Variants in NDRG2 observed in about 807,000 individuals in gnomAD.
The protein encoded by NDRG2 is protein NDRG2.
NDRG2 carries 34 observed loss-of-function variants against 58.2 expected under a neutral mutation model. The ratio of observed to expected loss-of-function variants is 0.58; its 90% CI spans 0.44 to 0.78. The LOEUF (loss-of-function observed/expected upper bound fraction) is 0.78, where lower values mean the gene tolerates loss of function less well. Among genes scored for constraint, NDRG2 ranks in the 30% least tolerant of loss-of-function variants. The probability of loss-of-function intolerance (pLI) is 0.00; values close to 1 mark genes in which losing one functional copy is unlikely to be tolerated. For missense variants in NDRG2, 434 were observed against 471.2 expected (o/e 0.92, Z 0.73); for synonymous variants, 187 against 175.9 (o/e 1.06, Z -0.50).
upstream of NDRG2, chr14:21,025,258 A>G: frequency 4.6e-6 from 4 of 868,464 alleles, no homozygotes; most frequent in Non-Finnish European, 5.5e-6. The surrounding 1 kb of genome is among the most constrained non-coding windows in gnomAD (Gnocchi z 5.1). Flanking sequence ...GGGCGGCTGG[A>G]CGCTTCCAGG....
At chr14:21,032,582 C>T (rs1594480619) in intron 1 of NDRG2, 1 of 344,834 alleles carries the variant, frequency 2.9e-6, no homozygotes, top group South Asian at 2.2e-5. Flanking sequence ...GGTTGCCTGA[C>T]TTCTATTACA....
chr14:21,020,587 G>A lies in NDRG2; in HGVS notation c.469-5C>T. On this transcript the variant is annotated splice_region_variant and splice_polypyrimidine_tract_variant and intron_variant, in intron 7 of 15. Transcript: ENST00000556147. ...AACAGTGTCCGGGTGGTTAAGCTGA[G>A]GGACAGCAGAAGGAAGGAAATGAGA... 6.2e-7 allele frequency: 1 copy of A among 1,613,286 alleles called. No homozygotes were observed. Among genetic ancestry groups the A allele is most frequent in the Non-Finnish European group, 8.5e-7 (1 of 1,179,730 alleles).
rs1882471790 is a variant in NDRG2 at position 21,024,204 on chromosome 14, CG to C, written c.-182del. 2 of 985,318 alleles carry C rather than the reference CG, an allele frequency of 2.0e-6. No individual in the cohort carries two copies. The highest frequency in any genetic ancestry group is 2.3e-4 in the East Asian group (2 of 8,816). The allele number at this position is 985,318 out of a possible 1,614,324, so 61.0% of individuals were successfully genotyped here. ...AGACTCCCAGGGTCATCAACCTCCTCGGGTCACTAACCCTCCCCAGTGTCTG... is the reference window on the plus strand; with the variant it reads ...AGACTCCCAGGGTCATCAACCTCCTCGGTCACTAACCCTCCCCAGTGTCTG... On this transcript the variant is annotated 5_prime_UTR_variant, in exon 1 of 16. Transcript: ENST00000556147.
At chr14:21,039,866 A>G in intron 1 of NDRG2, among the ~76,000 whole-genome samples, 1 of 152,200 alleles carries the variant, frequency 6.6e-6, no homozygotes, top group Non-Finnish European at 1.5e-5. Flanking sequence ...AGAGCAAACT[A>G]GGATAATTAT....
chr14:21,059,484 G>T (rs1177591558), intron 1 of NDRG2, among the ~76,000 whole-genome samples: 4 of 88,154 alleles, frequency 4.5e-5, no homozygotes, highest in East Asian at 3.1e-4. Context: ...GGTTTTTTTG[G>T]GTTTTTTTTT....
intron 1 of NDRG2, chr14:21,032,720 G>A (rs540427971): frequency 1.9e-5 from 7 of 362,850 alleles, no homozygotes; most frequent in South Asian, 1.0e-4. Context: ...GCTAAGGGTA[G>A]CTCAGGAAGA....
Position 21,034,387 on chromosome 14 carries a change from A to C in NDRG2, c.25-11066T>G. 4 of 833,378 alleles carry C rather than the reference A, an allele frequency of 4.8e-6. No individual in the cohort carries two copies. The South Asian group carries it at 6.8e-5, about 14-fold the overall frequency. 51.6% of individuals were successfully genotyped at this position (833,378 alleles called of 1,614,324 possible). A position where few individuals can be genotyped will look rare whatever the true frequency, so the allele number is the denominator to read the frequency against. On this transcript the variant is annotated intron_variant, in intron 1 of 14. Coordinates refer to the NDRG2 transcript ENST00000403829. Reference sequence around the variant, plus strand: ...CCTCCAGCATTCCCAACCCAACAGTACTTTAGAGATCATCTCACCCATAAC... The same window carrying C: ...CCTCCAGCATTCCCAACCCAACAGTCCTTTAGAGATCATCTCACCCATAAC...
intron 1 of NDRG2, among the ~76,000 whole-genome samples, chr14:21,038,329 G>A (rs191949954): frequency 1.4e-3 from 211 of 152,286 alleles, no homozygotes; most frequent in Non-Finnish European, 1.9e-3. Flanking sequence ...GAAATGTAAC[G>A]GGTGGTCCTC....
At chr14:21,038,536 T>A (rs1884756312) in intron 1 of NDRG2, among the ~76,000 whole-genome samples, 1 of 152,116 alleles carries the variant, frequency 6.6e-6, no homozygotes, top group South Asian at 2.1e-4. Context: ...ATGGATCTCA[T>A]GGTGAAGTTA....
At chr14:21,035,440 C>T (rs1295260539) in intron 1 of NDRG2, among the ~76,000 whole-genome samples, 1 of 152,200 alleles carries the variant, frequency 6.6e-6, no homozygotes, top group East Asian at 1.9e-4. Flanking sequence ...CAACATCTTC[C>T]CTTTCATCAG....
intron 1 of NDRG2, among the ~76,000 whole-genome samples, chr14:21,040,928 C>T (rs1294142707): frequency 1.3e-5 from 2 of 152,084 alleles, no homozygotes; most frequent in African/African-American, 4.8e-5. Flanking sequence ...TGTCTTTCTC[C>T]AATGGAATGT....
chr14:21,070,427 TC>T lies in NDRG2; in HGVS notation c.24+400del. The T allele has an allele frequency of 1.4e-6, 2 of 1,401,406 alleles. No individual in the cohort carries two copies. Among genetic ancestry groups the T allele is most frequent in the South Asian group, 1.6e-5 (1 of 62,750 alleles). 86.8% of individuals were successfully genotyped at this position (1,401,406 alleles called of 1,614,324 possible). A position where few individuals can be genotyped will look rare whatever the true frequency, so the allele number is the denominator to read the frequency against. On this transcript the variant is annotated intron_variant, in intron 1 of 14. Transcript: ENST00000403829. This position sits in a 1 kb window ranked among gnomAD's most constrained non-coding sequence, Gnocchi z 4.7. ...GAGTCCAGCGTCGCAGCCCCCTGGG[TC>T]CCCTCGGCCTTCGCGCAGCCCGCTC...
chr14:21,070,279 C>T lies in NDRG2; in HGVS notation c.24+549G>A. The T allele has an allele frequency of 9.0e-7, 1 of 1,113,312 alleles. No homozygotes were observed. Among genetic ancestry groups the T allele is most frequent in the Non-Finnish European group, 1.1e-6 (1 of 888,128 alleles). The allele number at this position is 1,113,312 out of a possible 1,614,324, so 69.0% of individuals were successfully genotyped here. ...GAAGCCGGAGCGGGCCGAGCCGCCACCGCGGCCGGAGCTGTCCCTTAGCCA... is the reference window on the plus strand; with the variant it reads ...GAAGCCGGAGCGGGCCGAGCCGCCATCGCGGCCGGAGCTGTCCCTTAGCCA... On this transcript the variant is annotated intron_variant, in intron 1 of 14. Coordinates refer to the NDRG2 transcript ENST00000403829. This position sits in a 1 kb window ranked among gnomAD's most constrained non-coding sequence, Gnocchi z 4.7.
intron 8 of NDRG2, 103 bp downstream of exon 8, chr14:21,020,392 CT>C: frequency 1.1e-6 from 1 of 882,748 alleles, no homozygotes; most frequent in Non-Finnish European, 1.8e-6. Flanking sequence ...TTACTCCCTC[CT>C]TGAAGTTCAG....
At chr14:21,046,529 C>A (rs578136453) in intron 1 of NDRG2, among the ~76,000 whole-genome samples, 2 of 146,888 alleles carry the variant, frequency 1.4e-5, no homozygotes, top group Admixed American at 7.0e-5. Context: ...GAATGAGAGC[C>A]TGTCTCAAAA....
In NDRG2 at chr14:21,037,891, A is replaced by G. The variant is rs182601101; in HGVS notation, c.25-14570T>C. On this transcript the variant is annotated intron_variant, in intron 1 of 14. Coordinates refer to the NDRG2 transcript ENST00000403829. ...ACACATTCTCTCCCTTCCCTCCCCAATGGTAAGCATTTATAGAACAACTGG... is the reference window on the plus strand; with the variant it reads ...ACACATTCTCTCCCTTCCCTCCCCAGTGGTAAGCATTTATAGAACAACTGG... Among the ~76,000 whole-genome samples the G allele has an allele frequency of 5.3e-5, 8 of 152,184 alleles. No homozygotes were observed. In the East Asian group the frequency reaches 1.2e-3, roughly 22 times the overall value.
At chr14:21,060,498 C>T (rs996332955) in intron 1 of NDRG2, among the ~76,000 whole-genome samples, 2 of 152,192 alleles carry the variant, frequency 1.3e-5, no homozygotes, top group African/African-American at 2.4e-5. Flanking sequence ...TCCCAGGGTC[C>T]TGTTCTGAGC....
At chr14:21,048,605 A>G (rs907270836) in intron 1 of NDRG2, 2 of 152,220 alleles carry the variant, frequency 1.3e-5, no homozygotes, top group African/African-American at 4.8e-5. Context: ...CTTCAGGGAC[A>G]TGGATCTTCA....
At chr14:21,025,138 C>G (rs1051237613), upstream of NDRG2, 2 of 974,384 alleles carry the variant, frequency 2.1e-6, no homozygotes, top group African/African-American at 3.5e-5. This position sits in a 1 kb window ranked among gnomAD's most constrained non-coding sequence, Gnocchi z 5.1. Context: ...CCCACGGGCG[C>G]TAGGCTCCCC....
Sources: allele counts gnomAD v4.1 joint callset (sites outside exome capture counted in the v4.1 genomes callset), GRCh38; gene constraint gnomAD v4.1.1; non-coding constraint Gnocchi (gnomAD v3.1); transcripts MANE v1.5; gene names NCBI Gene and HGNC (gene_info 2026-07-23, HGNC 2026-07-21).